The following USP31 variants were observed in gnomAD, a reference collection of about 807,000 sequenced individuals.
USP31 encodes ubiquitin specific peptidase 31.
In USP31, 44 loss-of-function variants were observed where a neutral mutation model predicts 119.4. The ratio of observed to expected loss-of-function variants is 0.37; its 90% CI spans 0.29 to 0.47. The LOEUF (loss-of-function observed/expected upper bound fraction) is 0.47, where lower values mean the gene tolerates loss of function less well. Among genes scored for constraint, USP31 ranks in the 20% least tolerant of loss-of-function variants. The pLI, the probability that USP31 is intolerant of heterozygous loss-of-function variation, is 0.99. For missense variants in USP31, 1,643 were observed against 1,730.2 expected (o/e 0.95, Z 0.89); for synonymous variants, 749 against 705.6 (o/e 1.06, Z -0.97).
rs778413494 is a variant in USP31, at chr16:23,080,176, T to TGCAA, written c.1951-9_1951-6dup. The TGCAA allele has an allele frequency of 6.5e-7, 1 of 1,529,752 alleles. No homozygotes were observed. Among genetic ancestry groups the TGCAA allele is most frequent in the Admixed American group, 2.2e-5 (1 of 45,960 alleles). 94.8% of individuals were successfully genotyped at this position (1,529,752 alleles called of 1,614,324 possible). On this transcript the variant is annotated splice_polypyrimidine_tract_variant and splice_region_variant and intron_variant, in intron 12 of 15. Transcript: ENST00000219689. The stretch of plus-strand genomic sequence containing the variant: ...TTTCATGCGCCTGTCTCCTTCCTGT[T>TGCAA]GCAAGAAGAAAAACAAGTTCTGGTG...
At chr16:23,074,781 A>G (rs560237523) in intron 13 of USP31, among the ~76,000 whole-genome samples, 1 of 152,364 alleles carries the variant, frequency 6.6e-6, no homozygotes, top group East Asian at 1.9e-4. Flanking sequence ...AGCAGCAAAA[A>G]CAGACGAAAA....
In USP31 at chr16:23,065,379, A is replaced by C. The variant is rs1260086062; in HGVS notation, c.*2667T>G. 3 of 152,114 alleles carry C rather than the reference A, an allele frequency of 2.0e-5. No individual in the cohort carries two copies. Among genetic ancestry groups the C allele is most frequent in the African/African-American group, 7.2e-5 (3 of 41,416 alleles). The allele number at this position is 152,114 out of a possible 1,614,324, so 9.4% of individuals were successfully genotyped here. A position where few individuals can be genotyped will look rare whatever the true frequency, so the allele number is the denominator to read the frequency against. ...AAACCAACACCAAGTCCCCAACCCTACCAATGAACTAAATTGAATCAAGTA... is the reference window on the plus strand; with the variant it reads ...AAACCAACACCAAGTCCCCAACCCTCCCAATGAACTAAATTGAATCAAGTA... On this transcript the variant is annotated 3_prime_UTR_variant, in exon 16 of 16. Transcript: ENST00000219689.
At chr16:23,127,501 C>A (rs1257841085) in intron 1 of USP31, among the ~76,000 whole-genome samples, 1 of 152,056 alleles carries the variant, frequency 6.6e-6, no homozygotes, top group Non-Finnish European at 1.5e-5. Flanking sequence ...CTCACTCTGT[C>A]GTCCAGGCTG....
intron 13 of USP31, among the ~76,000 whole-genome samples, chr16:23,074,725 T>C (rs1933808271): frequency 6.6e-6 from 1 of 152,208 alleles, no homozygotes; most frequent in African/African-American, 2.4e-5. Context: ...AGGACTTCTT[T>C]CAGTCCAAAT....
In USP31 at chr16:23,089,670, A is replaced by G. The variant is rs572553636; in HGVS notation, c.1415+954T>C. ...ACACTGAGTCCTTTCTCCTTGAAAC[A>G]TATCTGTCTCTTGTTAATACTCAGG... On this transcript the variant is annotated intron_variant, in intron 7 of 15. Transcript: ENST00000219689. Among the ~76,000 whole-genome samples, 11 of 152,340 alleles carry G rather than the reference A, an allele frequency of 7.2e-5. 1 individual carries two copies. The South Asian group carries it at 2.1e-3, about 29-fold the overall frequency.
chr16:23,094,491 C>G (rs529197909), intron 6 of USP31, among the ~76,000 whole-genome samples: 2 of 152,158 alleles, frequency 1.3e-5, no homozygotes, highest in Non-Finnish European at 2.9e-5. Context: ...TTGAAGAGAG[C>G]AGTGGTTCTC....
intron 12 of USP31, among the ~76,000 whole-genome samples, chr16:23,080,969 G>A (rs990540358): frequency 6.6e-6 from 1 of 152,208 alleles, no homozygotes; most frequent in Non-Finnish European, 1.5e-5. Flanking sequence ...CAAGAACTGT[G>A]TAAGCAGTGC....
chr16:23,095,392 GGAA>G (rs1429333978), intron 6 of USP31, among the ~76,000 whole-genome samples: 2 of 152,168 alleles, frequency 1.3e-5, no homozygotes, highest in African/African-American at 4.8e-5. Flanking sequence ...GAAAGTGATG[GGAA>G]GAATGGAACC....
At chr16:23,084,756 T>C (rs1901019512) in intron 11 of USP31, 104 bp downstream of exon 11, 1 of 1,500,660 alleles carries the variant, frequency 6.7e-7, no homozygotes, top group Admixed American at 2.0e-5. Context: ...ATATGCAAAA[T>C]CCTGCGGCGA....
chr16:23,087,331 G>T, intron 8 of USP31, 145 bp from the exon 9 acceptor site: 1 of 689,382 alleles, frequency 1.5e-6, no homozygotes, highest in Non-Finnish European at 2.4e-6. Flanking sequence ...AGGTTGTTGA[G>T]CCACTCTAAT....
At chr16:23,126,320 TAAA>T (rs71279502) in intron 1 of USP31, among the ~76,000 whole-genome samples, 6 of 107,154 alleles carry the variant, frequency 5.6e-5, no homozygotes, top group Non-Finnish European at 3.9e-5. Flanking sequence ...CCTGTCTCTT[TAAA>T]AAAAAAAAAA....
rs145692612 is a variant in USP31, at chr16:23,100,842, C to A, written c.1234+1477G>T. Among the ~76,000 whole-genome samples the A allele has an allele frequency of 8.0e-4, 122 of 152,066 alleles. 1 individual carries two copies. Among genetic ancestry groups the A allele is most frequent in the African/African-American group, 2.7e-3 (114 of 41,478 alleles). On this transcript the variant is annotated intron_variant, in intron 6 of 15. Transcript: ENST00000219689. ...CTTGGGAAAACAAAGCAGGAGCTAA[C>A]GAGAATAGAAGCTGGAGAAGTGAAT...
At position 23,111,371 on chromosome 16, in the gene USP31, G is replaced by A. The variant is rs143057907; in HGVS notation, c.634-3188C>T. On this transcript the variant is annotated intron_variant, in intron 1 of 15. Transcript: ENST00000219689. ...GGAGAGGGAGGAAGGAGGCATTAAT[G>A]TCACTCAGGTGTCCTACCTAGATGA... Among the ~76,000 whole-genome samples, 150 of 152,252 alleles carry A rather than the reference G, an allele frequency of 9.9e-4. 1 individual carries two copies. Among genetic ancestry groups the A allele is most frequent in the African/African-American group, 3.1e-3 (129 of 41,534 alleles).
At chr16:23,078,286 T>C (rs1322526240) in intron 13 of USP31, among the ~76,000 whole-genome samples, 1 of 131,994 alleles carries the variant, frequency 7.6e-6, no homozygotes, top group African/African-American at 2.9e-5. Flanking sequence ...CACTCCAGCC[T>C]GGTGAGAGAG....
intron 13 of USP31, among the ~76,000 whole-genome samples, chr16:23,078,313 A>AGC (rs1298431558): frequency 0.034 from 3,106 of 91,060 alleles, 39 homozygotes; most frequent in Middle Eastern, 0.045. Context: ...TCCGTCGCAA[A>AGC]AAAAAAAAAA....
At chr16:23,108,267 T>C in intron 1 of USP31, 84 bp from the exon 2 acceptor site, 2 of 1,505,146 alleles carry the variant, frequency 1.3e-6, no homozygotes, top group African/African-American at 2.8e-5. Flanking sequence ...GCAAAAGGGA[T>C]GCAAGATCTC....
At position 23,067,087 on chromosome 16, in the gene USP31, T is replaced by C. The variant is rs1458573279; in HGVS notation, c.*959A>G. 6.6e-6 allele frequency: 1 copy of C among 152,330 alleles called. No individual in the cohort carries two copies. Among genetic ancestry groups the C allele is most frequent in the African/African-American group, 2.4e-5 (1 of 41,418 alleles). 9.4% of individuals were successfully genotyped at this position (152,330 alleles called of 1,614,324 possible). On this transcript the variant is annotated 3_prime_UTR_variant, in exon 16 of 16. Transcript: ENST00000219689. ...GAGCTTCCCACCTCTAACGGAAAAA[T>C]GCAACACCTGACAAGGAAAATGATG...
chr16:23,134,898 AC>A, intron 1 of USP31, among the ~76,000 whole-genome samples: 1 of 145,572 alleles, frequency 6.9e-6, no homozygotes. Flanking sequence ...TTATACACAC[AC>A]ACACACACAC....
At chr16:23,079,831 T>G in intron 13 of USP31, 115 bp downstream of exon 13, 1 of 960,102 alleles carries the variant, frequency 1.0e-6, no homozygotes, top group South Asian at 1.9e-5. Flanking sequence ...GCCCTCACAG[T>G]TGGCACACTG....
Sources: allele counts gnomAD v4.1 joint callset (sites outside exome capture counted in the v4.1 genomes callset), GRCh38; gene constraint gnomAD v4.1.1; transcripts MANE v1.5; gene names NCBI Gene and HGNC (gene_info 2026-07-23, HGNC 2026-07-21).